The following ATP9A variants were observed in gnomAD, a reference collection of about 807,000 sequenced individuals.
ATP9A encodes probable phospholipid-transporting ATPase IIA.
Under a neutral mutation model 144.1 loss-of-function variants are expected in ATP9A, and 52 were observed. That is an observed-to-expected ratio of 0.36 (90% confidence interval 0.29 to 0.45). The LOEUF (loss-of-function observed/expected upper bound fraction) is 0.45. ATP9A is among the 20% of genes least tolerant of loss of function. The pLI, the probability that ATP9A is intolerant of heterozygous loss-of-function variation, is 1.00. For missense variants in ATP9A, 947 were observed against 1,392.7 expected, an observed-to-expected ratio of 0.68 and a Z score of 5.09; for synonymous variants, 582 against 557.4, an observed-to-expected ratio of 1.04 and a Z score of -0.62.
At position 51,613,758 on chromosome 20, in the gene ATP9A, C is replaced by A; in HGVS notation, c.2490G>T (p.Val830=). The A allele has an allele frequency of 1.2e-6, 2 of 1,614,112 alleles. No individual in the cohort carries two copies. Among genetic ancestry groups the A allele is most frequent in the South Asian group, 1.1e-5 (1 of 91,072 alleles). The change falls in exon 23 of 28, where the codon GTG becomes GTT. Residue 830 remains valine (V), a synonymous_variant. Coordinates refer to ENST00000338821, the MANE Select transcript of ATP9A (RefSeq NM_006045.3). The stretch of plus-strand genomic sequence containing the variant: ...ACCGCTTGTAGCTGTTCCGGCCATG[C>A]ACCATAAGCAACCGGCCAAGATGCT... The part of the protein sequence containing the change: ...QFKHLGRLLM[V]HGRNSYKRSA...
chr20:51,722,707 G>A (rs1470102787), intron 3 of ATP9A, among the ~76,000 whole-genome samples: 1 of 152,204 alleles, frequency 6.6e-6, no homozygotes, highest in Non-Finnish European at 1.5e-5. Context: ...ATGTTGGCGT[G>A]TATGCAGTGA....
intron 15 of ATP9A, among the ~76,000 whole-genome samples, chr20:51,638,870 T>G (rs1034816220): frequency 6.6e-6 from 1 of 152,162 alleles, no homozygotes; most frequent in Non-Finnish European, 1.5e-5. Context: ...ATCAGACTCT[T>G]CAGACTGGCA....
chr20:51,622,923 T>G (rs2077232788), intron 18 of ATP9A, among the ~76,000 whole-genome samples: 2 of 152,224 alleles, frequency 1.3e-5, no homozygotes, highest in African/African-American at 4.8e-5. Flanking sequence ...AAGAAGATCA[T>G]GACAATTGTC....
chr20:51,671,094 A>C (rs2077453692), intron 12 of ATP9A, 21 bp downstream of exon 12: 1 of 1,608,748 alleles, frequency 6.2e-7, no homozygotes, highest in African/African-American at 1.3e-5. Flanking sequence ...AATCCTGCGC[A>C]GGTCCCAGAA....
intron 3 of ATP9A, among the ~76,000 whole-genome samples, chr20:51,723,388 A>G (rs2077697769): frequency 6.6e-6 from 1 of 151,932 alleles, no homozygotes; most frequent in African/African-American, 2.4e-5. Flanking sequence ...CCTGTACCCC[A>G]ATAACCTATA....
At chr20:51,684,379 C>T (rs2077513059) in intron 9 of ATP9A, among the ~76,000 whole-genome samples, 1 of 152,162 alleles carries the variant, frequency 6.6e-6, no homozygotes, top group African/African-American at 2.4e-5. Flanking sequence ...GCACAGGACA[C>T]AAAGTGGTCA....
chr20:51,720,705 C>T (rs2077685037), intron 3 of ATP9A, among the ~76,000 whole-genome samples: 1 of 152,018 alleles, frequency 6.6e-6, no homozygotes, highest in African/African-American at 2.4e-5. Flanking sequence ...GTGGTAGTGG[C>T]TGCCTGTAAT....
intron 26 of ATP9A, among the ~76,000 whole-genome samples, chr20:51,606,927 AGTATAT>A: frequency 6.6e-6 from 1 of 150,544 alleles, no homozygotes; most frequent in African/African-American, 2.4e-5. Context: ...ATATTTTATA[AGTATAT>A]AAAATCTATT....
chr20:51,755,047 G>T (rs2077849815), intron 1 of ATP9A, among the ~76,000 whole-genome samples: 1 of 152,118 alleles, frequency 6.6e-6, no homozygotes, highest in Admixed American at 6.5e-5. Flanking sequence ...GAACCCAGGA[G>T]CCGGAGGCTG....
rs188794648 is a variant in ATP9A, at chr20:51,740,118, G to A, written c.69-10140C>T. ...GTTACCCAGGCTGCAGTGCAGTGGC[G>A]AGATCATAGCTCTCTGGAGCCTCAA... On this transcript the variant is annotated intron_variant, in intron 1 of 27. Transcript: ENST00000338821. 9.9e-5 allele frequency among the ~76,000 whole-genome samples: 15 copies of A among 152,100 alleles called. No individual in the cohort carries two copies. The East Asian group carries it at 2.7e-3, about 28-fold the overall frequency.
intron 15 of ATP9A, among the ~76,000 whole-genome samples, chr20:51,638,071 T>C (rs2038220): frequency 1.2e-4 from 4 of 34,162 alleles, no homozygotes; most frequent in Non-Finnish European, 1.7e-4. Flanking sequence ...TTTCATCATT[T>C]TATATATATA....
chr20:51,737,409 T>C (rs1039790056), intron 1 of ATP9A, among the ~76,000 whole-genome samples: 1 of 152,206 alleles, frequency 6.6e-6, no homozygotes, highest in African/African-American at 2.4e-5. Flanking sequence ...AGATTTCCTT[T>C]ATGCCTCTCT....
intron 13 of ATP9A, among the ~76,000 whole-genome samples, chr20:51,669,023 A>C (rs540431586): frequency 6.6e-6 from 1 of 152,316 alleles, no homozygotes; most frequent in South Asian, 2.1e-4. Context: ...TATTTCGACG[A>C]ATTTAAGCAA....
At chr20:51,663,904 T>C (rs2077422121) in intron 13 of ATP9A, among the ~76,000 whole-genome samples, 1 of 151,922 alleles carries the variant, frequency 6.6e-6, no homozygotes, top group Admixed American at 6.6e-5. Context: ...ATGAACTGAG[T>C]GCATCCTGTG....
At chr20:51,691,638 G>C (rs2077548984) in intron 7 of ATP9A, among the ~76,000 whole-genome samples, 1 of 152,218 alleles carries the variant, frequency 6.6e-6, no homozygotes. Flanking sequence ...GAGGCCCTGT[G>C]CACTGTTGCT....
At chr20:51,762,705 CTTTTTTTTTTT>C (rs34209501) in intron 1 of ATP9A, among the ~76,000 whole-genome samples, 2 of 84,530 alleles carry the variant, frequency 2.4e-5, no homozygotes, top group African/African-American at 5.1e-5. Context: ...CCACAAATGG[CTTTTTTTTTTT>C]TTTTTTTTTT....
intron 7 of ATP9A, among the ~76,000 whole-genome samples, chr20:51,692,185 T>C (rs139522815): frequency 4.5e-4 from 69 of 152,366 alleles, no homozygotes; most frequent in African/African-American, 1.0e-3. Context: ...GATGCCTGCA[T>C]GACAACGTCA....
chr20:51,602,612 C>T (rs2077147536), intron 27 of ATP9A, among the ~76,000 whole-genome samples: 1 of 152,206 alleles, frequency 6.6e-6, no homozygotes, highest in Non-Finnish European at 1.5e-5. Flanking sequence ...CTCACAAATC[C>T]TTTCTAGAAA....
intron 14 of ATP9A, among the ~76,000 whole-genome samples, chr20:51,648,746 T>C (rs6067869): frequency 0.45 from 68,391 of 152,010 alleles, 16,870 homozygotes; most frequent in East Asian, 0.8. Context: ...GCGGGAGGAC[T>C]GCTTGAGGCC....
Sources: gnomAD v4.1 joint callset for allele counts (sites outside exome capture counted in the v4.1 genomes callset) on GRCh38, gnomAD v4.1.1 for gene constraint, MANE v1.5 for transcripts, NCBI Gene and HGNC (gene_info 2026-07-23, HGNC 2026-07-21) for gene names.